The following LRRC38 variants were observed in gnomAD, a reference collection of about 807,000 sequenced individuals.
LRRC38 encodes the protein leucine-rich repeat-containing protein 38.
A neutral mutation model predicts 16.4 loss-of-function variants in LRRC38; 5 were observed. The observed-to-expected ratio is 0.31, with a 90% CI of 0.16 to 0.64. The LOEUF (loss-of-function observed/expected upper bound fraction) is 0.64. Among genes scored for constraint, LRRC38 ranks in the 30% least tolerant of loss-of-function variants. LRRC38 has a pLI of 0.80. For missense variants in LRRC38, 341 were observed against 401.8 expected (o/e 0.85, Z 1.29); for synonymous variants, 191 against 190.2 (o/e 1.00, Z -0.04).
At chr1:13,476,411 C>G (rs984958836) in intron 1 of LRRC38, among the ~76,000 whole-genome samples, 1 of 152,134 alleles carries the variant, frequency 6.6e-6, no homozygotes. Context: ...TCACTGCAGC[C>G]TCTACCTCCC....
At position 13,491,911 on chromosome 1, in the gene LRRC38, G is replaced by A. The variant is rs542164217; in HGVS notation, c.632-15812C>T. On this transcript the variant is annotated intron_variant, in intron 1 of 1. Coordinates refer to ENST00000376085, the MANE Select transcript of LRRC38 (RefSeq NM_001010847.2). Reference sequence around the variant, plus strand: ...GGCTGGTCTCGAACTCCTGACCCCAGGTGATTCACCTGCCTCGGCCTCCTA... The same window carrying A: ...GGCTGGTCTCGAACTCCTGACCCCAAGTGATTCACCTGCCTCGGCCTCCTA... Among the ~76,000 whole-genome samples the A allele has an allele frequency of 3.3e-5, 5 of 152,250 alleles. No individual in the cohort carries two copies. The South Asian group carries it at 8.3e-4, about 25-fold the overall frequency.
chr1:13,481,725 A>G (rs1397250761), intron 1 of LRRC38, among the ~76,000 whole-genome samples: 2 of 150,454 alleles, frequency 1.3e-5, no homozygotes, highest in African/African-American at 4.9e-5. Context: ...GACACCAGAG[A>G]GCTCTCCCAA....
At chr1:13,486,666 C>A (rs1429352371) in intron 1 of LRRC38, among the ~76,000 whole-genome samples, 1 of 150,328 alleles carries the variant, frequency 6.7e-6, no homozygotes, top group African/African-American at 2.5e-5. Flanking sequence ...TCTTGGCTCA[C>A]TGAAGCCTCC....
chr1:13,508,244 C>CA (rs916084939), intron 1 of LRRC38, among the ~76,000 whole-genome samples: 52 of 151,740 alleles, frequency 3.4e-4, no homozygotes, highest in African/African-American at 1.2e-3. Context: ...CTCAAAACAA[C>CA]AAAAAAAAGC....
At chr1:13,510,985 A>G (rs1283143688) in intron 1 of LRRC38, among the ~76,000 whole-genome samples, 1 of 152,180 alleles carries the variant, frequency 6.6e-6, no homozygotes, top group Non-Finnish European at 1.5e-5. Flanking sequence ...AGAGCTGCTC[A>G]TGGCACTGCA....
intron 1 of LRRC38, among the ~76,000 whole-genome samples, chr1:13,498,755 T>C (rs1264691737): frequency 6.6e-6 from 1 of 152,186 alleles, no homozygotes; most frequent in Non-Finnish European, 1.5e-5. Flanking sequence ...TGCAGGTGTT[T>C]CCTGGGGTGG....
At chr1:13,503,341 T>C (rs1639173222) in intron 1 of LRRC38, among the ~76,000 whole-genome samples, 1 of 152,160 alleles carries the variant, frequency 6.6e-6, no homozygotes, top group Non-Finnish European at 1.5e-5. Flanking sequence ...CGATCTCGGC[T>C]CACTGCAAGC....
chr1:13,513,690 G>T lies in LRRC38; in HGVS notation c.-97C>A, dbSNP rs368767815. ...CGGTGAGGCACTGGCTGCCGGGCGC[G>T]GGGAGCCAGAGGGCGGCCCGGGCGG... On this transcript the variant is annotated 5_prime_UTR_variant, in exon 1 of 2. Transcript: ENST00000376085. The T allele has an allele frequency of 0.013, 11,380 of 865,932 alleles. 179 individuals carry two copies. Among genetic ancestry groups the T allele is most frequent in the East Asian group, 0.13 (1,119 of 8,778 alleles). The allele number at this position is 865,932 out of a possible 1,614,324, so 53.6% of individuals were successfully genotyped here.
intron 1 of LRRC38, among the ~76,000 whole-genome samples, chr1:13,481,683 C>T (rs914926161): frequency 5.9e-5 from 9 of 152,100 alleles, no homozygotes; most frequent in Non-Finnish European, 1.0e-4. Context: ...GCATGAGTCA[C>T]CGTGCCCGGC....
Position 13,475,592 on chromosome 1 carries a change from A to G in LRRC38, c.*254T>C, listed in dbSNP as rs2100484382. ...ACTCGGTCATCTTCTCCCCCAACAC[A>G]CACCTCGATCTGAGAGGCAGGTTAT... On this transcript the variant is annotated 3_prime_UTR_variant, in exon 2 of 2. Coordinates refer to ENST00000376085, the MANE Select transcript of LRRC38 (RefSeq NM_001010847.2). The surrounding 1 kb of genome is among the most constrained non-coding windows in gnomAD (Gnocchi z 4.3). 1 of 487,724 alleles carries G rather than the reference A, an allele frequency of 2.1e-6. No homozygotes were observed. The highest frequency in any genetic ancestry group is 2.9e-5 in the South Asian group (1 of 34,830). 30.2% of individuals were successfully genotyped at this position (487,724 alleles called of 1,614,324 possible).
At chr1:13,497,887 G>A (rs989832033) in intron 1 of LRRC38, among the ~76,000 whole-genome samples, 7 of 148,454 alleles carry the variant, frequency 4.7e-5, no homozygotes, top group Admixed American at 1.4e-4. Flanking sequence ...TTGAACCCTG[G>A]AGGCCGAGGT....
At chr1:13,496,096 G>A (rs1168424919) in intron 1 of LRRC38, among the ~76,000 whole-genome samples, 1 of 152,008 alleles carries the variant, frequency 6.6e-6, no homozygotes, top group Non-Finnish European at 1.5e-5. Context: ...CCCCATCCAA[G>A]CATCACCATG....
chr1:13,481,499 C>G (rs561885282), intron 1 of LRRC38, among the ~76,000 whole-genome samples: 2 of 151,628 alleles, frequency 1.3e-5, no homozygotes, highest in Non-Finnish European at 2.9e-5. Context: ...TCACGCCATT[C>G]TCCTTCCTCA....
chr1:13,485,804 C>T (rs754041299), intron 1 of LRRC38, among the ~76,000 whole-genome samples: 9 of 152,118 alleles, frequency 5.9e-5, no homozygotes, highest in Non-Finnish European at 1.2e-4. Flanking sequence ...TACCACAAAC[C>T]GAGGGGCTTA....
chr1:13,505,440 G>A (rs1341057800), intron 1 of LRRC38, among the ~76,000 whole-genome samples: 1 of 152,116 alleles, frequency 6.6e-6, no homozygotes, highest in Non-Finnish European at 1.5e-5. Flanking sequence ...GCCACCGAGG[G>A]GTATTTGCTG....
chr1:13,503,387 G>A (rs1242829906), intron 1 of LRRC38, among the ~76,000 whole-genome samples: 1 of 152,116 alleles, frequency 6.6e-6, no homozygotes, highest in Non-Finnish European at 1.5e-5. Flanking sequence ...TCCTGCCTCA[G>A]CCTCCCGAGT....
intron 1 of LRRC38, among the ~76,000 whole-genome samples, chr1:13,502,188 G>A (rs926945584): frequency 3.0e-4 from 45 of 148,704 alleles, no homozygotes; most frequent in African/African-American, 9.9e-4. Flanking sequence ...TAATCTGCCC[G>A]CCTCGGCCTC....
chr1:13,482,292 C>A (rs997344281), intron 1 of LRRC38, among the ~76,000 whole-genome samples: 2 of 151,914 alleles, frequency 1.3e-5, no homozygotes, highest in Non-Finnish European at 2.9e-5. Context: ...AAGTGCAAAG[C>A]CTGGCCAGGC....
intron 1 of LRRC38, among the ~76,000 whole-genome samples, chr1:13,486,945 A>G (rs1272718633): frequency 2.0e-5 from 3 of 152,092 alleles, no homozygotes; most frequent in Non-Finnish European, 4.4e-5. Context: ...TACCCAACCC[A>G]CACTGAGCCA....
Sources: allele counts gnomAD v4.1 joint callset (sites outside exome capture counted in the v4.1 genomes callset), GRCh38; gene constraint gnomAD v4.1.1; non-coding constraint Gnocchi (gnomAD v3.1); transcripts MANE v1.5; gene names NCBI Gene and HGNC (gene_info 2026-07-23, HGNC 2026-07-21).